NAALADL2: variants seen among roughly 807,000 people sequenced by gnomAD.
NAALADL2 encodes the protein inactive N-acetylated-alpha-linked acidic dipeptidase-like protein 2.
A neutral mutation model predicts 87.2 loss-of-function variants in NAALADL2; 76 were observed. That is an observed-to-expected ratio of 0.87 (90% CI 0.72 to 1.05). The LOEUF is 1.05. Ranked by LOEUF, NAALADL2 falls within the 50% of genes least tolerant of loss-of-function variation. The pLI is 0.00. For missense variants in NAALADL2, 1,089 were observed against 945.8 expected, an observed-to-expected ratio of 1.15 and a Z score of -1.99; for synonymous variants, 354 against 331.0, an observed-to-expected ratio of 1.07 and a Z score of -0.75.
At chr3:174,466,965 T>TC (rs1187846337) in intron 1 of NAALADL2, among the ~76,000 whole-genome samples, 1 of 152,200 alleles carries the variant, frequency 6.6e-6, no homozygotes, top group Non-Finnish European at 1.5e-5. Context: ...TAGAATATTG[T>TC]CCACTGTCTG....
intron 10 of NAALADL2, among the ~76,000 whole-genome samples, chr3:175,617,428 C>G (rs1453816183): frequency 2.6e-5 from 4 of 152,232 alleles, no homozygotes; most frequent in South Asian, 2.1e-4. Flanking sequence ...TCCAGTTGTC[C>G]CCATCACAGA....
At chr3:175,426,847 G>A (rs1024725464) in intron 5 of NAALADL2, among the ~76,000 whole-genome samples, 6 of 152,098 alleles carry the variant, frequency 3.9e-5, no homozygotes, top group Admixed American at 1.3e-4. Context: ...TATGCAGCTC[G>A]TAGCTGATAA....
At chr3:174,948,741 A>G (rs1294488553) in intron 1 of NAALADL2, among the ~76,000 whole-genome samples, 1 of 152,106 alleles carries the variant, frequency 6.6e-6, no homozygotes, top group Non-Finnish European at 1.5e-5. Context: ...GGGGGCTGGA[A>G]TCATCTAGGG....
chr3:174,671,312 T>C (rs1726511017), intron 2 of NAALADL2, among the ~76,000 whole-genome samples: 1 of 152,144 alleles, frequency 6.6e-6, no homozygotes. Flanking sequence ...CTATAACTTA[T>C]ATTAAGTGAA....
intron 1 of NAALADL2, among the ~76,000 whole-genome samples, chr3:174,531,220 A>C (rs1314857503): frequency 6.7e-6 from 1 of 150,314 alleles, no homozygotes; most frequent in Non-Finnish European, 1.5e-5. Context: ...ATTTTCTTTC[A>C]CATTTGCTCA....
chr3:175,087,577 G>A (rs1006673324), intron 1 of NAALADL2, among the ~76,000 whole-genome samples: 16 of 152,272 alleles, frequency 1.1e-4, no homozygotes, highest in Admixed American at 8.5e-4. Flanking sequence ...AAATTCTTCT[G>A]CCTTGGGATG....
At chr3:175,383,355 T>C (rs1242788026) in intron 5 of NAALADL2, among the ~76,000 whole-genome samples, 1 of 152,048 alleles carries the variant, frequency 6.6e-6, no homozygotes, top group Non-Finnish European at 1.5e-5. Context: ...TTGATATATC[T>C]ATACGTTATG....
upstream of NAALADL2, among the ~76,000 whole-genome samples, chr3:174,854,740 A>G (rs902450888): frequency 6.6e-6 from 1 of 152,062 alleles, no homozygotes; most frequent in Non-Finnish European, 1.5e-5. Context: ...ATAAAATAAC[A>G]AAAGTATAAT....
intron 1 of NAALADL2, among the ~76,000 whole-genome samples, chr3:175,075,942 A>G (rs1716507912): frequency 6.6e-6 from 1 of 152,100 alleles, no homozygotes; most frequent in Admixed American, 6.6e-5. Flanking sequence ...AATATGTCAT[A>G]ACAGGCCAGG....
At chr3:175,043,409 T>C (rs1037060430) in intron 1 of NAALADL2, among the ~76,000 whole-genome samples, 1 of 152,014 alleles carries the variant, frequency 6.6e-6, no homozygotes, top group Non-Finnish European at 1.5e-5. Context: ...TGGCTAAATT[T>C]CGTATTTTTA....
chr3:174,697,497 T>TC (rs1456532810), intron 2 of NAALADL2, among the ~76,000 whole-genome samples: 2 of 152,170 alleles, frequency 1.3e-5, no homozygotes, highest in Non-Finnish European at 2.9e-5. Flanking sequence ...GCTTCTTTTT[T>TC]CACACACAAT....
upstream of NAALADL2, among the ~76,000 whole-genome samples, chr3:174,857,743 C>T (rs183516946): frequency 3.3e-5 from 5 of 152,038 alleles, no homozygotes; most frequent in African/African-American, 1.2e-4. Flanking sequence ...AAACCACAAC[C>T]CAGATTTTAA....
chr3:174,892,347 A>G (rs114473755), intron 1 of NAALADL2, among the ~76,000 whole-genome samples: 2,690 of 152,280 alleles, frequency 0.018, 77 homozygotes, highest in African/African-American at 0.061. Context: ...GAAATTCAGA[A>G]TTCTATCCGA....
chr3:175,439,264 C>T (rs1337973866), intron 5 of NAALADL2, among the ~76,000 whole-genome samples: 2 of 151,702 alleles, frequency 1.3e-5, no homozygotes, highest in Admixed American at 1.3e-4. Flanking sequence ...GGGCTGGTTC[C>T]TTATTTTTGC....
chr3:174,565,910 A>C (rs1225728485), intron 2 of NAALADL2, among the ~76,000 whole-genome samples: 2 of 152,046 alleles, frequency 1.3e-5, no homozygotes, highest in Non-Finnish European at 2.9e-5. Context: ...GTATAGCTGA[A>C]GAATTACTAC....
intron 2 of NAALADL2, among the ~76,000 whole-genome samples, chr3:175,107,596 G>T (rs1305084657): frequency 6.6e-6 from 1 of 151,454 alleles, no homozygotes; most frequent in Non-Finnish European, 1.5e-5. Flanking sequence ...TATACATACA[G>T]ATTTATATAA....
intron 1 of NAALADL2, among the ~76,000 whole-genome samples, chr3:175,011,280 C>CAGAGAGAGAGAGAGAGAGAGAGAG (rs139229550): frequency 1.8e-5 from 2 of 113,474 alleles, no homozygotes; most frequent in Non-Finnish European, 3.4e-5. Flanking sequence ...GACAGAGAGA[C>CAGAGAGAGAGAGAGAGAGAGAGAG]AGAGAGAGAG....
At chr3:175,010,678 G>A (rs1220883942) in intron 1 of NAALADL2, among the ~76,000 whole-genome samples, 3 of 152,146 alleles carry the variant, frequency 2.0e-5, no homozygotes, top group African/African-American at 4.8e-5. Context: ...TAGTTTTGCT[G>A]ATGAGATCTT....
chr3:174,502,055 T>G (rs1718932560), intron 1 of NAALADL2, among the ~76,000 whole-genome samples: 1 of 152,130 alleles, frequency 6.6e-6, no homozygotes, highest in African/African-American at 2.4e-5. Flanking sequence ...GATTAGTTTT[T>G]TATTTTATAG....
Sources: gnomAD v4.1 joint callset for allele counts (sites outside exome capture counted in the v4.1 genomes callset) on GRCh38, gnomAD v4.1.1 for gene constraint, MANE v1.5 for transcripts, NCBI Gene and HGNC (gene_info 2026-07-23, HGNC 2026-07-21) for gene names.